Variants in THRAP3 observed in about 807,000 individuals in gnomAD.
The protein encoded by THRAP3 is thyroid hormone receptor associated protein 3, also known as thyroid hormone receptor-associated protein 3.
In THRAP3, 16 loss-of-function variants were observed where a neutral mutation model predicts 101.0. That is an observed-to-expected ratio of 0.16 (90% CI 0.11 to 0.24). THRAP3 has a LOEUF of 0.24. Among genes scored for constraint, THRAP3 ranks in the 10% least tolerant of loss-of-function variants. THRAP3 has a pLI of 1.00. For synonymous variants in THRAP3, 407 were observed against 422.6 expected (o/e 0.96, Z 0.45); for missense variants, 989 against 1,202.7 (o/e 0.82, Z 2.63).
chr1:36,231,811 C>CTAATATA (rs988346848), intron 1 of THRAP3, among the ~76,000 whole-genome samples: 1 of 152,098 alleles, frequency 6.6e-6, no homozygotes, highest in Non-Finnish European at 1.5e-5. Context: ...GTCCTAGAGT[C>CTAATATA]TTGACTAATT....
rs1646068321 is a variant in THRAP3, at chr1:36,304,293, G to A, written c.*276G>A. ...TTCTCATTTGTTGGTGTGTGGGGTGGGGGCAGGGGTAGGGCGGGAGAGCGA... is the reference window on the plus strand; with the variant it reads ...TTCTCATTTGTTGGTGTGTGGGGTGAGGGCAGGGGTAGGGCGGGAGAGCGA... On this transcript the variant is annotated 3_prime_UTR_variant, in exon 12 of 12. Coordinates refer to ENST00000354618, the MANE Select transcript of THRAP3 (RefSeq NM_005119.4). 6.2e-6 allele frequency: 2 copies of A among 323,466 alleles called. No homozygotes were observed. Among genetic ancestry groups the A allele is most frequent in the Non-Finnish European group, 1.1e-5 (2 of 177,406 alleles). The allele number at this position is 323,466 out of a possible 1,614,324, so 20.0% of individuals were successfully genotyped here.
intron 2 of THRAP3, 100 bp from the exon 3 acceptor site, chr1:36,282,433 A>G (rs919043962): frequency 4.7e-5 from 42 of 884,852 alleles, no homozygotes; most frequent in African/African-American, 6.8e-5. Flanking sequence ...GGTCTTCTCA[A>G]GTTGCCCAGA....
chr1:36,223,545 A>T (rs1424229459), upstream of THRAP3, among the ~76,000 whole-genome samples: 1 of 152,202 alleles, frequency 6.6e-6, no homozygotes, highest in Non-Finnish European at 1.5e-5. Context: ...GACCTATGAG[A>T]TGGGTCTTAA....
At chr1:36,297,695 G>A (rs972544844) in intron 9 of THRAP3, among the ~76,000 whole-genome samples, 3 of 150,288 alleles carry the variant, frequency 2.0e-5, no homozygotes, top group Non-Finnish European at 4.4e-5. Context: ...CACCCACCTC[G>A]GCCTCCCAAA....
intron 2 of THRAP3, among the ~76,000 whole-genome samples, chr1:36,264,494 C>A (rs1474054839): frequency 6.6e-6 from 1 of 152,230 alleles, no homozygotes; most frequent in Non-Finnish European, 1.5e-5. Flanking sequence ...CCCAGTATTA[C>A]AAAGTGACTT....
intron 1 of THRAP3, among the ~76,000 whole-genome samples, chr1:36,246,638 C>G (rs368525431): frequency 6.6e-6 from 1 of 151,890 alleles, no homozygotes; most frequent in Admixed American, 6.6e-5. Flanking sequence ...GTCAGGAAAT[C>G]GAGACCATCC....
chr1:36,223,943 T>A (rs1345727126), upstream of THRAP3, among the ~76,000 whole-genome samples: 1 of 151,868 alleles, frequency 6.6e-6, no homozygotes, highest in Non-Finnish European at 1.5e-5. Flanking sequence ...CGCTGTGGGG[T>A]AGAAATTACA....
chr1:36,289,334 A>C lies in THRAP3; in HGVS notation c.1315A>C (p.Lys439Gln), dbSNP rs1172655047. The change falls in exon 5 of 12, where the codon AAG becomes CAG. Residue 439 changes from lysine (K) to glutamine (Q), a missense_variant. Physicochemically the swap from Lys to Gln is moderately conservative, Grantham distance 53. Transcript: ENST00000354618. The stretch of plus-strand genomic sequence containing the variant: ...GGATGATCAAGATAAGGACAAAGCT[A>C]AGGGAAGAAAGGAATCTGAGTTTGA... ...EMDDQDKDKA[K>Q]GRKESEFDDE... 1 of 1,614,154 alleles carries C rather than the reference A, an allele frequency of 6.2e-7. No individual in the cohort carries two copies. Among genetic ancestry groups the C allele is most frequent in the Non-Finnish European group, 8.5e-7 (1 of 1,180,026 alleles).
chr1:36,241,385 G>A (rs12743480), intron 1 of THRAP3, among the ~76,000 whole-genome samples: 579 of 8,406 alleles, frequency 0.069, 15 homozygotes, highest in Non-Finnish European at 0.28. Context: ...GATAATGGGT[G>A]TATATATATA....
chr1:36,289,531 G>T lies in THRAP3; in HGVS notation c.1512G>T (p.Arg504=), dbSNP rs935182690. 1.2e-6 allele frequency: 2 copies of T among 1,613,970 alleles called. No homozygotes were observed. The highest frequency in any genetic ancestry group is 1.7e-6 in the Non-Finnish European group (2 of 1,180,030). The change falls in exon 5 of 12, where the codon CGG becomes CGT. Residue 504 remains arginine (R), a synonymous_variant. Transcript: ENST00000354618. ...SFPERSKKED[R]GKRSEGGHRG... is the part of the protein sequence containing the mutation. Reference sequence around the variant, plus strand: ...CAGAGAGATCCAAAAAGGAAGATCGGGGCAAGAGAAGCGAAGGTGGGCACA... The same window carrying T: ...CAGAGAGATCCAAAAAGGAAGATCGTGGCAAGAGAAGCGAAGGTGGGCACA...
At chr1:36,209,306 T>C in the THRAP3 span, among the ~76,000 whole-genome samples, 1 of 152,146 alleles carries the variant, frequency 6.6e-6, no homozygotes. Flanking sequence ...AAGCTTAGTG[T>C]TACTGAACTT....
At chr1:36,213,223 A>G in the THRAP3 span, among the ~76,000 whole-genome samples, 1 of 152,124 alleles carries the variant, frequency 6.6e-6, no homozygotes, top group Non-Finnish European at 1.5e-5. Context: ...AGGGCACTGG[A>G]GACAGGGGTT....
chr1:36,214,930 C>T, the THRAP3 span, among the ~76,000 whole-genome samples: 6 of 150,642 alleles, frequency 4.0e-5, no homozygotes, highest in Non-Finnish European at 5.9e-5. Flanking sequence ...TGCTTATAAA[C>T]CTTTCAATGG....
At chr1:36,215,531 C>T in the THRAP3 span, among the ~76,000 whole-genome samples, 1 of 152,142 alleles carries the variant, frequency 6.6e-6, no homozygotes, top group Non-Finnish European at 1.5e-5. Flanking sequence ...GAAGCATCTC[C>T]TAAACTTCTA....
At chr1:36,229,287 G>A (rs913014828) in intron 1 of THRAP3, among the ~76,000 whole-genome samples, 6 of 151,784 alleles carry the variant, frequency 4.0e-5, no homozygotes, top group Admixed American at 6.6e-5. Context: ...TAGTAGAGAC[G>A]GGGTTTCACC....
At chr1:36,242,743 G>T (rs1051814244) in intron 1 of THRAP3, among the ~76,000 whole-genome samples, 4 of 151,902 alleles carry the variant, frequency 2.6e-5, no homozygotes, top group African/African-American at 9.7e-5. Context: ...GAGCCACCAC[G>T]CCCACCCTCT....
the THRAP3 span, among the ~76,000 whole-genome samples, chr1:36,216,920 C>T: frequency 6.6e-6 from 1 of 152,222 alleles, no homozygotes; most frequent in Non-Finnish European, 1.5e-5. Flanking sequence ...ATATACTCTT[C>T]CTGCATTGCA....
At chr1:36,252,288 G>A (rs1400533341) in intron 1 of THRAP3, among the ~76,000 whole-genome samples, 1 of 152,086 alleles carries the variant, frequency 6.6e-6, no homozygotes, top group African/African-American at 2.4e-5. Context: ...ACCATGCCCC[G>A]CTAATTGTGT....
At chr1:36,255,396 G>A (rs932516328) in intron 1 of THRAP3, among the ~76,000 whole-genome samples, 2 of 152,068 alleles carry the variant, frequency 1.3e-5, no homozygotes, top group Admixed American at 1.3e-4. Context: ...GGGAGGCTGA[G>A]GCTGGCGGAT....
Sources: gnomAD v4.1 joint callset for allele counts (sites outside exome capture counted in the v4.1 genomes callset) on GRCh38, gnomAD v4.1.1 for gene constraint, MANE v1.5 for transcripts, NCBI Gene and HGNC (gene_info 2026-07-23, HGNC 2026-07-21) for gene names.